RAB11FIP3: variants seen among roughly 807,000 people sequenced by gnomAD.
The protein encoded by RAB11FIP3 is RAB11 family interacting protein 3, also known as rab11 family-interacting protein 3.
In RAB11FIP3, 17 loss-of-function variants were observed where a neutral mutation model predicts 77.8. That is an observed-to-expected ratio of 0.22 (90% confidence interval 0.15 to 0.33). RAB11FIP3 has a LOEUF of 0.33. Among genes scored for constraint, RAB11FIP3 ranks in the 10% least tolerant of loss-of-function variants. RAB11FIP3 has a pLI of 1.00. For missense variants in RAB11FIP3, 1,005 were observed against 1,011.2 expected (o/e 0.99, Z 0.08); for synonymous variants, 437 against 448.2 (o/e 0.98, Z 0.31).
Position 496,727 on chromosome 16 carries a change from C to T in RAB11FIP3, c.1266-97C>T, listed in dbSNP as rs547315181. 35 of 1,275,880 alleles carry T rather than the reference C, an allele frequency of 2.7e-5. No homozygotes were observed. The African/African-American group carries it at 3.0e-4, about 11-fold the overall frequency. 79.0% of individuals were successfully genotyped at this position (1,275,880 alleles called of 1,614,324 possible). A position where few individuals can be genotyped will look rare whatever the true frequency, so the allele number is the denominator to read the frequency against. ...CATGCCGGGAGCATTGCTGAAAGGC[C>T]GCCCACCTCGTATCTCCACAGCCTG... On this transcript the variant is annotated intron_variant, in intron 5 of 13. Transcript: ENST00000262305.
At position 461,869 on chromosome 16, in the gene RAB11FIP3, C is replaced by A. The variant is rs552727984; in HGVS notation, c.808+372C>A. 1.3e-5 allele frequency among the ~76,000 whole-genome samples: 2 copies of A among 152,228 alleles called. No homozygotes were observed. Among genetic ancestry groups the A allele is most frequent in the Non-Finnish European group, 2.9e-5 (2 of 68,044 alleles). On this transcript the variant is annotated intron_variant, in intron 2 of 13. Transcript: ENST00000262305. The surrounding 1 kb of genome is among the most constrained non-coding windows in gnomAD (Gnocchi z 4.5). The stretch of plus-strand genomic sequence containing the variant: ...AGCACTTCGTCGCACTCTCTCCCCA[C>A]GTCTCTGTCCATCTCCAGTCTGTCC...
At chr16:462,225 T>TC (rs1308554224) in intron 2 of RAB11FIP3, among the ~76,000 whole-genome samples, 1 of 152,000 alleles carries the variant, frequency 6.6e-6, no homozygotes, top group Non-Finnish European at 1.5e-5. Flanking sequence ...TGCCTATCTC[T>TC]CTTTTTTTTC....
intron 1 of RAB11FIP3, among the ~76,000 whole-genome samples, chr16:445,290 T>A (rs1596200734): frequency 7.8e-6 from 1 of 128,288 alleles, no homozygotes; most frequent in Non-Finnish European, 1.8e-5. Flanking sequence ...AAAAAAAAAA[T>A]CAGCCAGGCC....
intron 1 of RAB11FIP3, among the ~76,000 whole-genome samples, chr16:458,115 G>A (rs2055533556): frequency 1.3e-5 from 2 of 152,226 alleles, no homozygotes; most frequent in Non-Finnish European, 2.9e-5. Context: ...CTTAGCTGGG[G>A]CTGGCCCTGT....
In RAB11FIP3 at chr16:426,227, C is replaced by T. The variant is rs933750355; in HGVS notation, c.221C>T (p.Pro74Leu). The change falls in exon 1 of 14, where the codon CCG (proline) becomes CTG (leucine). Residue 74 changes from proline to leucine, a missense_variant. This residue lies in a region of RAB11FIP3 where 466 missense variants were observed against 408.3 expected (regional missense o/e 1.14). Transcript: ENST00000262305. This position sits in a 1 kb window ranked among gnomAD's most constrained non-coding sequence, Gnocchi z 5.0. ...ADGGARWSAGPAPGLEGGPRD... is the reference protein window; with the variant it reads ...ADGGARWSAGLAPGLEGGPRD... ...GGCGGGGCGCGTTGGAGCGCCGGGC[C>T]GGCCCCGGGGCTGGAGGGAGGCCCG... 8.9e-5 allele frequency: 92 copies of T among 1,037,700 alleles called. No homozygotes were observed. In the African/African-American group the frequency reaches 1.5e-3, roughly 16 times the overall value. The allele number at this position is 1,037,700 out of a possible 1,614,324, so 64.3% of individuals were successfully genotyped here.
intron 2 of RAB11FIP3, among the ~76,000 whole-genome samples, chr16:470,007 T>G (rs759073590): frequency 1.2e-4 from 19 of 152,076 alleles, no homozygotes; most frequent in Non-Finnish European, 2.8e-4. Context: ...TCTTTCTTTT[T>G]TTTTTGAGAT....
intron 1 of RAB11FIP3, chr16:439,357 G>A (rs1301450361): frequency 6.6e-6 from 1 of 152,228 alleles, no homozygotes; most frequent in Admixed American, 6.5e-5. Flanking sequence ...CGTAACGATT[G>A]TGATCAGTTA....
chr16:427,011 ACACCCCCCCAGGGGGCCTGATCGC>A (rs995769889), intron 1 of RAB11FIP3, among the ~76,000 whole-genome samples: 5 of 150,422 alleles, frequency 3.3e-5, no homozygotes, highest in South Asian at 2.1e-4. Flanking sequence ...TCGCCTGGGG[ACACCCCCCCAGGGGGCCTGATCGC>A]CACCCCCCCA....
At chr16:477,407 T>C (rs1386747031) in intron 3 of RAB11FIP3, among the ~76,000 whole-genome samples, 2 of 152,144 alleles carry the variant, frequency 1.3e-5, no homozygotes, top group African/African-American at 4.8e-5. Flanking sequence ...CCCCTGTGAG[T>C]GTGCAATCCT....
intron 4 of RAB11FIP3, 138 bp from the exon 5 acceptor site, chr16:488,713 T>C: frequency 1.6e-6 from 1 of 629,390 alleles, no homozygotes; most frequent in Non-Finnish European, 2.3e-6. Context: ...CCAGCCCACT[T>C]TTTTTTTTTT....
At position 471,314 on chromosome 16, in the gene RAB11FIP3, C is replaced by T. The variant is rs370663944; in HGVS notation, c.828C>T (p.Tyr276=). ...IRNGDPDGQC[Y]GGVASAQDEE... is the part of the protein sequence containing the mutation. ...CTGCAGATCCTGATGGCCAGTGCTA[C>T]GGTGGTGTCGCTTCTGCCCAAGATG... The change falls in exon 3 of 14, where the codon TAC becomes TAT. Residue 276 remains tyrosine (Y), a synonymous_variant. Transcript: ENST00000262305. The surrounding 1 kb of genome is among the most constrained non-coding windows in gnomAD (Gnocchi z 4.4). 57 of 1,613,794 alleles carry T rather than the reference C, an allele frequency of 3.5e-5. No homozygotes were observed. The highest frequency in any genetic ancestry group is 1.7e-4 in the African/African-American group (13 of 74,918).
chr16:509,711 C>T (rs1421265822), intron 8 of RAB11FIP3, among the ~76,000 whole-genome samples: 1 of 152,216 alleles, frequency 6.6e-6, no homozygotes, highest in Non-Finnish European at 1.5e-5. Context: ...GGTCTCTATA[C>T]CCACTTCCCC....
intron 1 of RAB11FIP3, among the ~76,000 whole-genome samples, chr16:450,159 G>A (rs1596208440): frequency 6.6e-6 from 1 of 151,846 alleles, no homozygotes; most frequent in African/African-American, 2.4e-5. Flanking sequence ...CCTGCCGAAC[G>A]TGCACAACAA....
chr16:431,913 C>T (rs1250414677), intron 1 of RAB11FIP3, among the ~76,000 whole-genome samples: 9 of 152,024 alleles, frequency 5.9e-5, no homozygotes, highest in African/African-American at 1.7e-4. Flanking sequence ...CCCGCCACCC[C>T]TCCCGGCTAA....
intron 1 of RAB11FIP3, among the ~76,000 whole-genome samples, chr16:438,913 G>C (rs558859843): frequency 2.0e-5 from 3 of 152,248 alleles, no homozygotes; most frequent in East Asian, 3.9e-4. Flanking sequence ...TGGTCTCCAT[G>C]TCTTGACCTT....
chr16:469,685 C>CG (rs1255021024), intron 2 of RAB11FIP3, among the ~76,000 whole-genome samples: 1 of 152,150 alleles, frequency 6.6e-6, no homozygotes, highest in African/African-American at 2.4e-5. Flanking sequence ...CCACCACACC[C>CG]GGCCTTATCT....
At chr16:456,308 G>T (rs891428072) in intron 1 of RAB11FIP3, among the ~76,000 whole-genome samples, 1 of 151,730 alleles carries the variant, frequency 6.6e-6, no homozygotes, top group African/African-American at 2.4e-5. Context: ...AAATGAGCCG[G>T]GTGTGGCGGC....
intron 6 of RAB11FIP3, chr16:497,061 T>C (rs950295007): frequency 1.2e-4 from 73 of 613,666 alleles, no homozygotes; most frequent in Non-Finnish European, 1.7e-4. Flanking sequence ...CCTGGATTTG[T>C]GACCAGGGAG....
chr16:516,797 A>C (rs550910632), intron 9 of RAB11FIP3, among the ~76,000 whole-genome samples: 118 of 152,330 alleles, frequency 7.7e-4, no homozygotes, highest in African/African-American at 2.7e-3. Context: ...GAATCACTTG[A>C]ACCTGGGAGG....
Sources: gnomAD v4.1 joint callset for allele counts (sites outside exome capture counted in the v4.1 genomes callset) on GRCh38, gnomAD v4.1.1 for gene constraint, gnomAD v4.1.1 regional missense constraint, Gnocchi (gnomAD v3.1) non-coding constraint, MANE v1.5 for transcripts, NCBI Gene and HGNC (gene_info 2026-07-23, HGNC 2026-07-21) for gene names.